The following SMIM36 variants were observed in gnomAD, a reference collection of about 807,000 sequenced individuals.
The protein encoded by SMIM36 is small integral membrane protein 36.
At chr17:55,512,075 G>C (rs758054773), upstream of SMIM36, among the ~76,000 whole-genome samples, 1 of 152,138 alleles carries the variant, frequency 6.6e-6, no homozygotes, top group Non-Finnish European at 1.5e-5. Flanking sequence ...CAGTTTATAA[G>C]GGACAAATAG....
chr17:55,492,779 G>A (rs1291204416), intron 1 of SMIM36, among the ~76,000 whole-genome samples: 1 of 152,140 alleles, frequency 6.6e-6, no homozygotes, highest in African/African-American at 2.4e-5. Flanking sequence ...GGTCCCTGAA[G>A]ATCCAACACA....
upstream of SMIM36, among the ~76,000 whole-genome samples, chr17:55,513,648 T>G (rs188951032): frequency 4.2e-4 from 64 of 152,348 alleles, no homozygotes; most frequent in Admixed American, 2.2e-3. Context: ...TGAGTCTGGA[T>G]AGCCCAGGTG....
upstream of SMIM36, among the ~76,000 whole-genome samples, chr17:55,512,588 A>G (rs1376402246): frequency 6.6e-6 from 1 of 152,236 alleles, no homozygotes; most frequent in Non-Finnish European, 1.5e-5. Flanking sequence ...GCCTGGTCCC[A>G]ATAGTCCCGC....
In SMIM36 at chr17:55,510,450, G is replaced by C. The variant is rs555413539; in HGVS notation, c.*174+429C>G. On this transcript the variant is annotated intron_variant, in intron 1 of 4. Transcript: ENST00000636752. ...TGAAACCCCATCTCTACAAAAAAAAGACAGGCGTGGTGTCATGACCTTAGA... is the reference window on the plus strand; with the variant it reads ...TGAAACCCCATCTCTACAAAAAAAACACAGGCGTGGTGTCATGACCTTAGA... Among the ~76,000 whole-genome samples, 18 of 152,118 alleles carry C rather than the reference G, an allele frequency of 1.2e-4. No individual in the cohort carries two copies. The South Asian group carries it at 2.7e-3, about 23-fold the overall frequency.
intron 1 of SMIM36, among the ~76,000 whole-genome samples, chr17:55,495,222 A>G (rs889063243): frequency 6.6e-6 from 1 of 152,244 alleles, no homozygotes; most frequent in African/African-American, 2.4e-5. Context: ...ATTGGAGTAC[A>G]CAGAACTGAG....
chr17:55,507,394 A>G (rs1910092331), intron 1 of SMIM36, among the ~76,000 whole-genome samples: 1 of 137,762 alleles, frequency 7.3e-6, no homozygotes. Flanking sequence ...AATACTATGC[A>G]GCCATAAAAA....
At chr17:55,463,462 G>A (rs549359566) in intron 4 of SMIM36, among the ~76,000 whole-genome samples, 120 of 152,278 alleles carry the variant, frequency 7.9e-4, no homozygotes, top group African/African-American at 2.8e-3. Context: ...TGAGGCAAGA[G>A]GATTGCTGGA....
rs375276582 is a variant in SMIM36 at position 55,496,124 on chromosome 17, A to G, written c.*174+14755T>C. On this transcript the variant is annotated intron_variant, in intron 1 of 4. Coordinates refer to ENST00000636752, the Ensembl canonical transcript of SMIM36. ...ATGTCTTTATCAATTCTGACAAACAATCCAGATTCCAAATTCCACTGCCAC... is the reference window on the plus strand; with the variant it reads ...ATGTCTTTATCAATTCTGACAAACAGTCCAGATTCCAAATTCCACTGCCAC... Among the ~76,000 whole-genome samples the G allele has an allele frequency of 7.2e-5, 11 of 152,288 alleles. No homozygotes were observed. The South Asian group carries it at 2.3e-3, about 32-fold the overall frequency.
intron 1 of SMIM36, among the ~76,000 whole-genome samples, chr17:55,485,745 A>C (rs534056320): frequency 1.3e-5 from 2 of 152,206 alleles, no homozygotes; most frequent in Non-Finnish European, 2.9e-5. Flanking sequence ...TAGTTAATTT[A>C]ATTCCATAAG....
chr17:55,451,375 G>C (rs906010990), intron 4 of SMIM36, among the ~76,000 whole-genome samples: 1 of 152,164 alleles, frequency 6.6e-6, no homozygotes, highest in South Asian at 2.1e-4. Context: ...GATCTTTCTT[G>C]TCTTTGTGTC....
intron 1 of SMIM36, among the ~76,000 whole-genome samples, chr17:55,491,986 C>T (rs915405825): frequency 1.3e-5 from 2 of 151,798 alleles, no homozygotes; most frequent in African/African-American, 4.8e-5. Context: ...AGTGAAACCT[C>T]ATCTCTACTA....
chr17:55,490,358 T>A (rs956201890), intron 1 of SMIM36, among the ~76,000 whole-genome samples: 1 of 152,182 alleles, frequency 6.6e-6, no homozygotes, highest in Non-Finnish European at 1.5e-5. Flanking sequence ...TGGTTTGGAC[T>A]GACAGCCATG....
At chr17:55,498,369 G>A (rs750567955) in intron 1 of SMIM36, among the ~76,000 whole-genome samples, 4 of 152,158 alleles carry the variant, frequency 2.6e-5, no homozygotes, top group South Asian at 2.1e-4. Flanking sequence ...TCTACAGCAC[G>A]TGACAGCTGT....
intron 1 of SMIM36, among the ~76,000 whole-genome samples, chr17:55,508,412 T>TTATATATATATTCCTAGGAATATATATA (rs1286395315): frequency 2.9e-5 from 4 of 135,938 alleles, no homozygotes; most frequent in South Asian, 2.3e-4. Flanking sequence ...TATACATATT[T>TTATATATATATTCCTAGGAATATATATA]TATATATATA....
intron 1 of SMIM36, among the ~76,000 whole-genome samples, chr17:55,491,950 T>G (rs879944428): frequency 7.9e-5 from 12 of 151,962 alleles, no homozygotes; most frequent in Admixed American, 2.6e-4. Context: ...ACGAGGTCAG[T>G]AGATCGAGAC....
chr17:55,459,677 G>C (rs893867192), intron 4 of SMIM36, among the ~76,000 whole-genome samples: 14 of 152,142 alleles, frequency 9.2e-5, no homozygotes, highest in African/African-American at 3.4e-4. Flanking sequence ...TACCCCAAAG[G>C]TTTAGCAACA....
intron 4 of SMIM36, among the ~76,000 whole-genome samples, chr17:55,453,334 G>T (rs1376594430): frequency 6.7e-6 from 1 of 150,260 alleles, no homozygotes; most frequent in East Asian, 1.9e-4. Flanking sequence ...TAAATAAAAA[G>T]TGAACCCATG....
chr17:55,520,324 A>G, the SMIM36 span, among the ~76,000 whole-genome samples: 3 of 152,264 alleles, frequency 2.0e-5, no homozygotes, highest in Non-Finnish European at 4.4e-5. Flanking sequence ...TCACAATTTC[A>G]TGGATAGAAA....
the SMIM36 span, among the ~76,000 whole-genome samples, chr17:55,520,858 C>A: frequency 6.6e-6 from 1 of 152,152 alleles, no homozygotes; most frequent in African/African-American, 2.4e-5. Context: ...CCGGCAGGTG[C>A]TGTGGCTCAC....
Sources: allele counts gnomAD v4.1 joint callset (sites outside exome capture counted in the v4.1 genomes callset), GRCh38; gene constraint gnomAD v4.1.1; transcripts MANE v1.5; gene names NCBI Gene and HGNC (gene_info 2026-07-23, HGNC 2026-07-21).